Variants in PCGF5 observed in about 807,000 individuals in gnomAD.
PCGF5 encodes the protein polycomb group RING finger protein 5.
A neutral mutation model predicts 44.3 loss-of-function variants in PCGF5; 9 were observed. The ratio of observed to expected loss-of-function variants is 0.20; its 90% CI spans 0.12 to 0.35. The LOEUF (loss-of-function observed/expected upper bound fraction) is 0.35. Ranked by LOEUF, PCGF5 falls within the 10% of genes least tolerant of loss-of-function variation. The pLI, the probability that PCGF5 is intolerant of heterozygous loss-of-function variation, is 1.00. For synonymous variants in PCGF5, 95 were observed against 102.5 expected, an observed-to-expected ratio of 0.93 and a Z score of 0.44; for missense variants, 146 against 305.3, an observed-to-expected ratio of 0.48 and a Z score of 3.89.
the PCGF5 span, among the ~76,000 whole-genome samples, chr10:91,157,505 A>G: frequency 6.6e-6 from 1 of 152,364 alleles, no homozygotes; most frequent in East Asian, 1.9e-4. Flanking sequence ...ATTTGGAGAC[A>G]GTGAAACCAT....
intron 6 of PCGF5, among the ~76,000 whole-genome samples, chr10:91,253,651 C>T (rs1271118900): frequency 6.6e-6 from 1 of 152,044 alleles, no homozygotes; most frequent in African/African-American, 2.4e-5. Context: ...TCACTAAGTC[C>T]TGCAAAATTC....
chr10:91,267,079 T>G (rs189878776), intron 8 of PCGF5, among the ~76,000 whole-genome samples: 24 of 152,190 alleles, frequency 1.6e-4, no homozygotes, highest in Non-Finnish European at 3.5e-4. Flanking sequence ...CCCCATACAG[T>G]CTTCCCCAGA....
At chr10:91,221,723 TA>T (rs57050045) in intron 1 of PCGF5, among the ~76,000 whole-genome samples, 37,667 of 144,006 alleles carry the variant, frequency 0.26, 4,876 homozygotes, top group Non-Finnish European at 0.29. Context: ...ATTTTACAGT[TA>T]AAAAAAAAAA....
intron 1 of PCGF5, among the ~76,000 whole-genome samples, chr10:91,185,196 A>G (rs1272407363): frequency 6.9e-6 from 1 of 145,518 alleles, no homozygotes. Flanking sequence ...TCTGTCAGCC[A>G]GAAAACACCA....
At chr10:91,181,540 C>T (rs1017636305) in intron 1 of PCGF5, among the ~76,000 whole-genome samples, 21 of 152,128 alleles carry the variant, frequency 1.4e-4, no homozygotes, top group African/African-American at 4.3e-4. Context: ...TCCTTCAATA[C>T]CTAGTTTATG....
chr10:91,202,927 G>A (rs773412093), intron 1 of PCGF5, among the ~76,000 whole-genome samples: 1 of 152,174 alleles, frequency 6.6e-6, no homozygotes, highest in Non-Finnish European at 1.5e-5. Flanking sequence ...AAGAAAAACA[G>A]TAAAGAAATG....
At chr10:91,185,257 T>C (rs1843899468) in intron 1 of PCGF5, among the ~76,000 whole-genome samples, 2 of 152,310 alleles carry the variant, frequency 1.3e-5, no homozygotes, top group South Asian at 4.1e-4. Flanking sequence ...TGAGGAGGAA[T>C]GGATCCGGGA....
chr10:91,267,551 C>CA (rs1238979886), intron 8 of PCGF5, among the ~76,000 whole-genome samples: 3 of 152,174 alleles, frequency 2.0e-5, no homozygotes, highest in African/African-American at 4.8e-5. Context: ...AATGGTTATG[C>CA]AAAATATATC....
chr10:91,164,433 A>G (rs1247826245), intron 1 of PCGF5, among the ~76,000 whole-genome samples: 3 of 152,220 alleles, frequency 2.0e-5, no homozygotes, highest in African/African-American at 4.8e-5. Flanking sequence ...GGTTCGCTGC[A>G]GGGCTGGGTC....
At chr10:91,226,426 A>G (rs1844842514) in intron 2 of PCGF5, among the ~76,000 whole-genome samples, 1 of 152,134 alleles carries the variant, frequency 6.6e-6, no homozygotes, top group Admixed American at 6.5e-5. Flanking sequence ...AAATTCCTGA[A>G]GCTACAGACC....
chr10:91,213,357 T>G lies in PCGF5; in HGVS notation c.-183-9332T>G, dbSNP rs546924574. ...ATCTGTATGTATTTGTATATACGTA[T>G]GCATAAGTAACCTCTATTTGGCTAC... On this transcript the variant is annotated intron_variant, in intron 1 of 9. Transcript: ENST00000614189. Among the ~76,000 whole-genome samples, 156 of 152,364 alleles carry G rather than the reference T, an allele frequency of 1.0e-3. 2 individuals carry two copies. In the South Asian group the frequency reaches 0.017, roughly 17 times the overall value.
At chr10:91,219,347 CAT>C (rs1438206631), upstream of PCGF5, among the ~76,000 whole-genome samples, 2 of 152,164 alleles carry the variant, frequency 1.3e-5, no homozygotes, top group Non-Finnish European at 2.9e-5. Context: ...TCTTTTAAAA[CAT>C]ATTTAAAATA....
chr10:91,173,021 C>T (rs2133172871), intron 1 of PCGF5, among the ~76,000 whole-genome samples: 1 of 152,236 alleles, frequency 6.6e-6, no homozygotes, highest in Non-Finnish European at 1.5e-5. Flanking sequence ...TCTTACTAAT[C>T]AATAATAAGT....
rs144351361 is a variant in PCGF5 at position 91,271,664 on chromosome 10, G to A, written c.690G>A (p.Ser230=). 6 of 1,613,808 alleles carry A rather than the reference G, an allele frequency of 3.7e-6. No individual in the cohort carries two copies. Among genetic ancestry groups the A allele is most frequent in the Admixed American group, 1.7e-5 (1 of 59,986 alleles). Residue 230 remains serine, a synonymous_variant, in exon 9 of 10, where the codon TCG becomes TCA. Coordinates refer to ENST00000336126, the MANE Select transcript of PCGF5 (RefSeq NM_032373.5). ...TTCGGTGTCTGAACTGCTCAGCTTC[G>A]CAAGTCTGCTCTCAGGATGGCCCTT... ...ENFRCLNCSA[S]QVCSQDGPLY...
At chr10:91,237,818 T>C (rs1478914771) in intron 2 of PCGF5, among the ~76,000 whole-genome samples, 1 of 151,998 alleles carries the variant, frequency 6.6e-6, no homozygotes, top group East Asian at 1.9e-4. Flanking sequence ...GGCAGGTGAC[T>C]GGGCCTATTG....
At chr10:91,249,683 C>T (rs552107919) in intron 5 of PCGF5, among the ~76,000 whole-genome samples, 2 of 151,646 alleles carry the variant, frequency 1.3e-5, no homozygotes, top group South Asian at 2.1e-4. Flanking sequence ...TCATTTTATT[C>T]GTTCAACTTA....
intron 9 of PCGF5, among the ~76,000 whole-genome samples, chr10:91,275,857 G>A (rs979278036): frequency 3.3e-5 from 5 of 151,988 alleles, no homozygotes; most frequent in African/African-American, 1.2e-4. Context: ...TCTATCCTGG[G>A]GCAAAAGAAA....
chr10:91,204,532 G>A (rs2133239939), intron 1 of PCGF5, among the ~76,000 whole-genome samples: 1 of 152,244 alleles, frequency 6.6e-6, no homozygotes, highest in South Asian at 2.1e-4. Flanking sequence ...CAGCCTGTTT[G>A]GAAGTTACTA....
At chr10:91,255,376 A>G (rs950570879) in intron 6 of PCGF5, among the ~76,000 whole-genome samples, 1 of 152,040 alleles carries the variant, frequency 6.6e-6, no homozygotes, top group African/African-American at 2.4e-5. Context: ...GCATATGTAG[A>G]GTTGTATGCA....
Sources: gnomAD v4.1 joint callset for allele counts (sites outside exome capture counted in the v4.1 genomes callset) on GRCh38, gnomAD v4.1.1 for gene constraint, MANE v1.5 for transcripts, NCBI Gene and HGNC (gene_info 2026-07-23, HGNC 2026-07-21) for gene names.